NR2C1: variants seen among roughly 807,000 people sequenced by gnomAD.
NR2C1 encodes the protein TR2 nuclear hormone receptor.
A neutral mutation model predicts 74.8 loss-of-function variants in NR2C1; 33 were observed. The observed-to-expected ratio is 0.44, with a 90% confidence interval of 0.33 to 0.59. The LOEUF (loss-of-function observed/expected upper bound fraction) is 0.59, where lower values mean the gene tolerates loss of function less well. NR2C1 is among the 20% of genes least tolerant of loss of function. NR2C1 has a pLI of 0.02. For missense variants in NR2C1, 568 were observed against 715.6 expected, an observed-to-expected ratio of 0.79 and a Z score of 2.35; for synonymous variants, 225 against 240.6, an observed-to-expected ratio of 0.94 and a Z score of 0.60.
chr12:95,069,815 A>G (rs1293309374), intron 1 of NR2C1, among the ~76,000 whole-genome samples: 1 of 151,504 alleles, frequency 6.6e-6, no homozygotes, highest in Non-Finnish European at 1.5e-5. Context: ...TCCATCCAAC[A>G]CTCACTGCTG....
chr12:95,062,990 G>C, intron 2 of NR2C1: 1 of 522,546 alleles, frequency 1.9e-6, no homozygotes, highest in South Asian at 2.2e-5. Context: ...GTTCCATTTA[G>C]ACAAACATAT....
Position 95,049,239 on chromosome 12 carries a change from T to C in NR2C1, c.966-6A>G, listed in dbSNP as rs767239104. 6.2e-7 allele frequency: 1 copy of C among 1,612,410 alleles called. No individual in the cohort carries two copies. The highest frequency in any genetic ancestry group is 8.5e-7 in the Non-Finnish European group (1 of 1,179,286). On this transcript the variant is annotated splice_polypyrimidine_tract_variant and splice_region_variant and intron_variant, in intron 8 of 13. Transcript: ENST00000333003. Reference sequence around the variant, plus strand: ...TTGCAAGAGTGTCAAATGCCCTGTATGAAGACATCAGAAGCTATGAGCTTG... The same window carrying C: ...TTGCAAGAGTGTCAAATGCCCTGTACGAAGACATCAGAAGCTATGAGCTTG...
chr12:95,040,762 G>T (rs1871424889), intron 9 of NR2C1, among the ~76,000 whole-genome samples, 165 bp from the exon 10 acceptor site: 2 of 152,130 alleles, frequency 1.3e-5, no homozygotes, highest in Admixed American at 6.6e-5. Flanking sequence ...AGCTAACAGG[G>T]CTTAGAATAA....
rs763095703 is a variant in NR2C1 at position 95,057,855 on chromosome 12, T to C, written c.568A>G (p.Ile190Val). 6.2e-7 allele frequency: 1 copy of C among 1,613,902 alleles called. No homozygotes were observed. ...GAAGATTTTTCTCGTGATACTTCAATGGGTTTTCTTTCACATTGGACAGCT... is the reference window on the plus strand; with the variant it reads ...GAAGATTTTTCTCGTGATACTTCAACGGGTTTTCTTTCACATTGGACAGCT... Reference protein sequence around the residue: ...QDSVQCERKPIEVSREKSSNC... With the variant: ...QDSVQCERKPVEVSREKSSNC... The change falls in exon 6 of 14, where the codon ATT becomes GTT. Residue 190 changes from isoleucine to valine, a missense_variant. By Grantham distance (29) the Ile-to-Val change is conservative. This residue lies in a region of NR2C1 where 239 missense variants were observed against 232.3 expected (regional missense o/e 1.03). Transcript: ENST00000333003.
intron 9 of NR2C1, among the ~76,000 whole-genome samples, chr12:95,043,843 A>G (rs1341621954): frequency 6.6e-6 from 1 of 152,202 alleles, no homozygotes; most frequent in Non-Finnish European, 1.5e-5. Flanking sequence ...CATAAAATGG[A>G]AATAGTTTAC....
At chr12:95,062,471 A>G (rs567426563) in intron 3 of NR2C1, 37 bp downstream of exon 3, 2 of 1,406,674 alleles carry the variant, frequency 1.4e-6, no homozygotes, top group South Asian at 1.3e-5. Context: ...TTTTTTTTAT[A>G]TATGTAAGAG....
chr12:95,034,940 A>G (rs1440577105), intron 10 of NR2C1, among the ~76,000 whole-genome samples: 1 of 152,184 alleles, frequency 6.6e-6, no homozygotes, highest in African/African-American at 2.4e-5. Context: ...TGCCTATACT[A>G]ACATGACCAT....
At chr12:95,049,001 G>T in intron 9 of NR2C1, 67 bp downstream of exon 9, 1 of 1,396,912 alleles carries the variant, frequency 7.2e-7, no homozygotes, top group Non-Finnish European at 1.0e-6. Context: ...AACATACTTT[G>T]ATTTTTGAAA....
At chr12:95,053,047 G>A (rs572121579) in intron 7 of NR2C1, among the ~76,000 whole-genome samples, 30 of 151,556 alleles carry the variant, frequency 2.0e-4, no homozygotes, top group African/African-American at 6.3e-4. Flanking sequence ...GCAGTGGTGT[G>A]ATCTCAGCTC....
At chr12:95,037,115 T>C (rs1267664122) in intron 10 of NR2C1, among the ~76,000 whole-genome samples, 3 of 152,198 alleles carry the variant, frequency 2.0e-5, no homozygotes, top group Admixed American at 1.3e-4. Context: ...TCTCCTGTGG[T>C]AAACGGTGGT....
At chr12:95,066,295 A>C (rs1875684305) in intron 2 of NR2C1, among the ~76,000 whole-genome samples, 1 of 152,208 alleles carries the variant, frequency 6.6e-6, no homozygotes, top group Non-Finnish European at 1.5e-5. Flanking sequence ...TGAGCCCAGG[A>C]GCTCCAGACC....
At chr12:95,026,763 A>AT (rs1491576201) in intron 12 of NR2C1, 1 of 152,234 alleles carries the variant, frequency 6.6e-6, no homozygotes. Context: ...GAACAGAAAC[A>AT]TATCAGAATG....
intron 13 of NR2C1, among the ~76,000 whole-genome samples, chr12:95,024,855 T>C (rs1869160164): frequency 6.6e-6 from 1 of 152,236 alleles, no homozygotes; most frequent in Admixed American, 6.5e-5. Flanking sequence ...AAAAAGAGTT[T>C]GGATTTTAGA....
chr12:95,027,705 C>A (rs1425082088), intron 12 of NR2C1, among the ~76,000 whole-genome samples: 4 of 151,994 alleles, frequency 2.6e-5, no homozygotes, highest in Admixed American at 2.6e-4. Flanking sequence ...CACTACACTC[C>A]AGCCTGGGCG....
At chr12:95,071,201 C>CAA (rs779085122) in intron 1 of NR2C1, among the ~76,000 whole-genome samples, 8 of 94,074 alleles carry the variant, frequency 8.5e-5, no homozygotes, top group Admixed American at 1.2e-4. Flanking sequence ...AACTCCGTCT[C>CAA]AAAAAAAAAA....
chr12:95,060,196 A>G (rs1874578775), intron 3 of NR2C1, among the ~76,000 whole-genome samples: 1 of 152,186 alleles, frequency 6.6e-6, no homozygotes, highest in Admixed American at 6.5e-5. Context: ...TGGCATAAAG[A>G]GATAACTCTA....
chr12:95,046,351 CG>C (rs1393161438), intron 9 of NR2C1, among the ~76,000 whole-genome samples: 1 of 152,106 alleles, frequency 6.6e-6, no homozygotes, highest in Non-Finnish European at 1.5e-5. Flanking sequence ...TTCGGGAGGC[CG>C]AAGTGAGAGG....
At chr12:95,040,961 G>C (rs533129966) in intron 9 of NR2C1, among the ~76,000 whole-genome samples, 15 of 152,300 alleles carry the variant, frequency 9.8e-5, no homozygotes, top group Non-Finnish European at 2.2e-4. Flanking sequence ...TCCGCTAAAT[G>C]TTTCTTTCAT....
intron 7 of NR2C1, among the ~76,000 whole-genome samples, chr12:95,057,014 G>A (rs1874009610): frequency 6.7e-6 from 1 of 150,108 alleles, no homozygotes; most frequent in African/African-American, 2.4e-5. Context: ...CTGAGGACTC[G>A]TATTTCAAGA....
Sources: gnomAD v4.1 joint callset for allele counts (sites outside exome capture counted in the v4.1 genomes callset) on GRCh38, gnomAD v4.1.1 for gene constraint, gnomAD v4.1.1 regional missense constraint, MANE v1.5 for transcripts, NCBI Gene and HGNC (gene_info 2026-07-23, HGNC 2026-07-21) for gene names.